NREP: variants seen among roughly 807,000 people sequenced by gnomAD.
NREP encodes neuronal regeneration related protein.
Under a neutral mutation model 8.6 loss-of-function variants are expected in NREP, and 5 were observed. The observed-to-expected ratio is 0.58, with a 90% CI of 0.30 to 1.22. The LOEUF (loss-of-function observed/expected upper bound fraction) is 1.22. Among genes scored for constraint, NREP ranks in the 50% most tolerant of loss-of-function variants. NREP has a pLI of 0.07. For missense variants in NREP, 86 were observed against 82.5 expected (o/e 1.04, Z -0.17); for synonymous variants, 27 against 28.0 (o/e 0.96, Z 0.11).
chr5:111,879,559 TAC>T (rs1235484917), intron 2 of NREP, among the ~76,000 whole-genome samples: 1 of 152,236 alleles, frequency 6.6e-6, no homozygotes. Context: ...TAAGTACAGG[TAC>T]AGTTTATTCC....
intron 2 of NREP, among the ~76,000 whole-genome samples, chr5:111,957,346 TA>T (rs1561367994): frequency 6.6e-6 from 1 of 151,944 alleles, no homozygotes; most frequent in Admixed American, 6.6e-5. Flanking sequence ...TACCTACCTA[TA>T]AAATATTTTA....
chr5:111,756,582 T>C (rs1408141330), intron 1 of NREP, among the ~76,000 whole-genome samples: 2 of 152,082 alleles, frequency 1.3e-5, no homozygotes, highest in Admixed American at 1.3e-4. Flanking sequence ...ATTATTATAA[T>C]CACCAAGAAA....
At chr5:111,820,228 A>C (rs1382987500) in intron 2 of NREP, among the ~76,000 whole-genome samples, 3 of 152,228 alleles carry the variant, frequency 2.0e-5, no homozygotes, top group Non-Finnish European at 4.4e-5. Context: ...CACAAAAAAA[A>C]AGTGCTTGTG....
intron 2 of NREP, among the ~76,000 whole-genome samples, chr5:111,833,469 T>G (rs879044210): frequency 6.6e-6 from 1 of 152,200 alleles, no homozygotes; most frequent in Admixed American, 6.5e-5. Flanking sequence ...GTAAAATCTG[T>G]TCATCACTAA....
chr5:111,941,381 A>C (rs1755824497), intron 2 of NREP, among the ~76,000 whole-genome samples: 1 of 152,094 alleles, frequency 6.6e-6, no homozygotes, highest in South Asian at 2.1e-4. Flanking sequence ...ATAGTTCTGG[A>C]GGCTACAATT....
chr5:111,787,529 C>A (rs1210982046), intron 2 of NREP, among the ~76,000 whole-genome samples: 3 of 151,244 alleles, frequency 2.0e-5, no homozygotes, highest in Admixed American at 2.0e-4. Flanking sequence ...TGGAGATATT[C>A]ATAACTGACA....
intron 2 of NREP, among the ~76,000 whole-genome samples, chr5:111,809,870 C>T (rs1193919868): frequency 6.9e-6 from 1 of 144,112 alleles, no homozygotes; most frequent in Non-Finnish European, 1.5e-5. Flanking sequence ...GGGACTTTGG[C>T]GTGTGTGTGT....
At chr5:111,799,825 G>C (rs1365981575) in intron 2 of NREP, among the ~76,000 whole-genome samples, 2 of 152,212 alleles carry the variant, frequency 1.3e-5, no homozygotes, top group Admixed American at 6.5e-5. Flanking sequence ...TAGTCCACTT[G>C]TCTGGAGTAA....
chr5:111,768,698 A>AT (rs1389408704), intron 2 of NREP, among the ~76,000 whole-genome samples: 2 of 152,138 alleles, frequency 1.3e-5, no homozygotes, highest in African/African-American at 4.8e-5. Context: ...ACATGATTTC[A>AT]TTTTTTATGG....
At chr5:111,897,467 C>A (rs1235279608) in intron 2 of NREP, among the ~76,000 whole-genome samples, 1 of 152,088 alleles carries the variant, frequency 6.6e-6, no homozygotes, top group Non-Finnish European at 1.5e-5. Flanking sequence ...TTCCTATGCT[C>A]CCTCTATATA....
At chr5:111,739,932 G>A (rs1434324977) in intron 2 of NREP, among the ~76,000 whole-genome samples, 2 of 150,960 alleles carry the variant, frequency 1.3e-5, no homozygotes, top group African/African-American at 4.9e-5. Flanking sequence ...AAACCCTCTA[G>A]AATACTATTC....
chr5:111,756,296 T>TAAAAAAAAAAAAA, intron 1 of NREP: 1 of 237,988 alleles, frequency 4.2e-6, no homozygotes, highest in Non-Finnish European at 5.1e-6. Flanking sequence ...CTTCCGTGTT[T>TAAAAAAAAAAAAA]AAAAAAAAAA....
chr5:111,836,602 A>G (rs1192267610), intron 2 of NREP, among the ~76,000 whole-genome samples: 2 of 152,076 alleles, frequency 1.3e-5, no homozygotes, highest in Admixed American at 6.6e-5. Flanking sequence ...TAAAGTAGAC[A>G]TGTGACAAAT....
At chr5:111,935,689 A>G (rs1461118814) in intron 2 of NREP, among the ~76,000 whole-genome samples, 1 of 152,132 alleles carries the variant, frequency 6.6e-6, no homozygotes, top group African/African-American at 2.4e-5. Context: ...TCACATTAAA[A>G]TAGAGTAAAA....
intron 2 of NREP, among the ~76,000 whole-genome samples, chr5:111,838,542 A>G (rs1299409866): frequency 6.6e-6 from 1 of 152,106 alleles, no homozygotes; most frequent in Non-Finnish European, 1.5e-5. Context: ...GAATAGAAAG[A>G]ATTTAAGATC....
chr5:111,938,688 G>A (rs1203336820), intron 2 of NREP, among the ~76,000 whole-genome samples: 2 of 151,974 alleles, frequency 1.3e-5, no homozygotes, highest in Non-Finnish European at 2.9e-5. Flanking sequence ...AAGGCCTATT[G>A]TAAACTTTAA....
chr5:111,817,435 A>G (rs1752409051), intron 2 of NREP, among the ~76,000 whole-genome samples: 1 of 152,192 alleles, frequency 6.6e-6, no homozygotes. Context: ...CAGATTAAAG[A>G]ACATCCTTTC....
intron 2 of NREP, among the ~76,000 whole-genome samples, chr5:111,794,920 A>G (rs897598337): frequency 3.3e-5 from 5 of 151,360 alleles, no homozygotes; most frequent in African/African-American, 9.7e-5. Context: ...GCCGTTTTGC[A>G]TATATGGGGG....
chr5:111,814,356 A>C (rs1048586203), intron 2 of NREP, among the ~76,000 whole-genome samples: 1 of 152,142 alleles, frequency 6.6e-6, no homozygotes, highest in Non-Finnish European at 1.5e-5. Flanking sequence ...TTTCTTATTC[A>C]TCTTTGTAGT....
Sources: allele counts gnomAD v4.1 joint callset (sites outside exome capture counted in the v4.1 genomes callset), GRCh38; gene constraint gnomAD v4.1.1; transcripts MANE v1.5; gene names NCBI Gene and HGNC (gene_info 2026-07-23, HGNC 2026-07-21).